NAV3: variants seen among roughly 807,000 people sequenced by gnomAD.
The protein encoded by NAV3 is neuron navigator 3.
In NAV3, 87 loss-of-function variants were observed where a neutral mutation model predicts 244.7. The ratio of observed to expected loss-of-function variants is 0.36; its 90% CI spans 0.30 to 0.42. The LOEUF is 0.42. NAV3 is among the 20% of genes least tolerant of loss of function. NAV3 has a pLI of 1.00. For synonymous variants in NAV3, 1,126 were observed against 1,042.2 expected (o/e 1.08, Z -1.55); for missense variants, 2,663 against 2,893.3 (o/e 0.92, Z 1.83).
intron 9 of NAV3, among the ~76,000 whole-genome samples, chr12:78,048,242 G>T (rs1244680901): frequency 6.6e-6 from 1 of 152,110 alleles, no homozygotes. Flanking sequence ...ACTCTGTCCA[G>T]TTCTGTTCCC....
At chr12:78,123,068 A>G (rs1000102678) in intron 16 of NAV3, among the ~76,000 whole-genome samples, 1 of 152,154 alleles carries the variant, frequency 6.6e-6, no homozygotes, top group Admixed American at 6.5e-5. Context: ...GGACATAGCA[A>G]GGCATTTCTT....
intron 1 of NAV3, 92 bp downstream of exon 1, chr12:77,831,796 G>A (rs2136083055): frequency 7.3e-7 from 1 of 1,379,176 alleles, no homozygotes; most frequent in Non-Finnish European, 9.7e-7. Context: ...ATGGGGAGTA[G>A]TAGAGGAATA....
intron 8 of NAV3, among the ~76,000 whole-genome samples, chr12:78,015,846 C>G (rs1357391929): frequency 6.6e-6 from 1 of 152,092 alleles, no homozygotes; most frequent in African/African-American, 2.4e-5. Flanking sequence ...CTGTCTTCTG[C>G]ATTTTCTCTC....
chr12:78,200,470 C>T lies in NAV3; in HGVS notation c.6716-3C>T, dbSNP rs2140028942. The T allele has an allele frequency of 6.6e-7, 1 of 1,515,074 alleles. No homozygotes were observed. The highest frequency in any genetic ancestry group is 8.9e-7 in the Non-Finnish European group (1 of 1,117,754). The allele number at this position is 1,515,074 out of a possible 1,614,324, so 93.9% of individuals were successfully genotyped here. A position where few individuals can be genotyped will look rare whatever the true frequency, so the allele number is the denominator to read the frequency against. On this transcript the variant is annotated splice_region_variant and splice_polypyrimidine_tract_variant and intron_variant, in intron 37 of 39. Coordinates refer to ENST00000397909, the MANE Select transcript of NAV3 (RefSeq NM_001024383.2). ...AAATATTTTGTTATTTATTTCTTAT[C>T]AGGTCCCCGACTATTCCTTCCTTGC...
At chr12:77,959,342 T>A (rs1472658993) in intron 3 of NAV3, among the ~76,000 whole-genome samples, 1 of 152,060 alleles carries the variant, frequency 6.6e-6, no homozygotes, top group African/African-American at 2.4e-5. Flanking sequence ...GATTAAAAAT[T>A]TGGGAACTGA....
chr12:77,937,458 C>A (rs192527633), intron 1 of NAV3, among the ~76,000 whole-genome samples: 1 of 152,226 alleles, frequency 6.6e-6, no homozygotes. Flanking sequence ...TGAAAGTATT[C>A]TTATTTTCAC....
At chr12:77,740,429 C>A (rs1868307002) in intron 2 of NAV3, among the ~76,000 whole-genome samples, 1 of 151,418 alleles carries the variant, frequency 6.6e-6, no homozygotes, top group African/African-American at 2.4e-5. Context: ...TTGAAGGAAA[C>A]CTGATTTTGA....
chr12:78,119,415 A>G lies in NAV3; in HGVS notation c.3219A>G (p.Val1073=), dbSNP rs756381862. The G allele has an allele frequency of 1.2e-6, 2 of 1,614,192 alleles. No individual in the cohort carries two copies. The highest frequency in any genetic ancestry group is 2.2e-5 in the South Asian group (2 of 91,080). Residue 1073 remains valine, a synonymous_variant, in exon 15 of 40, where the codon GTA becomes GTG. Transcript: ENST00000397909. ...TTGGCTTTAAGAAACCAAGTGGAGT[A>G]GGGTCATCTGCCATGATCACCAGCA... ...SSFGFKKPSG[V]GSSAMITSSG...
chr12:77,640,524 T>A (rs1872362487), intron 2 of NAV3, among the ~76,000 whole-genome samples: 1 of 152,150 alleles, frequency 6.6e-6, no homozygotes, highest in South Asian at 2.1e-4. Flanking sequence ...TCATACAGTA[T>A]TTTTCTCTCT....
intron 2 of NAV3, among the ~76,000 whole-genome samples, chr12:77,801,768 G>T (rs747398161): frequency 2.1e-4 from 32 of 152,086 alleles, no homozygotes; most frequent in Admixed American, 4.6e-4. Flanking sequence ...GAAAAATTAA[G>T]ATCTATTCCT....
chr12:78,054,339 A>G (rs1883179226), intron 11 of NAV3, among the ~76,000 whole-genome samples: 1 of 152,234 alleles, frequency 6.6e-6, no homozygotes, highest in East Asian at 1.9e-4. Context: ...GTCATGGAAC[A>G]TGAATATTTA....
chr12:77,792,094 T>C (rs1871203069), intron 2 of NAV3, among the ~76,000 whole-genome samples: 1 of 152,174 alleles, frequency 6.6e-6, no homozygotes, highest in Non-Finnish European at 1.5e-5. Context: ...ATTATTCCCT[T>C]CCTCACTCTG....
chr12:77,644,470 A>C (rs979022036), intron 2 of NAV3, among the ~76,000 whole-genome samples: 4 of 152,108 alleles, frequency 2.6e-5, no homozygotes, highest in Admixed American at 2.6e-4. Context: ...TCAGGGGCTT[A>C]AGAAGAAAGG....
chr12:77,590,985 T>C (rs1869878948), intron 2 of NAV3, among the ~76,000 whole-genome samples: 1 of 152,178 alleles, frequency 6.6e-6, no homozygotes, highest in Non-Finnish European at 1.5e-5. Context: ...TGTGTAAGAA[T>C]GGCTCAGGAA....
Position 77,890,915 on chromosome 12 carries a change from G to A in NAV3, c.244-49404G>A, listed in dbSNP as rs12227585. 8.2e-4 allele frequency among the ~76,000 whole-genome samples: 125 copies of A among 152,194 alleles called. 2 individuals carry two copies. In the East Asian group the frequency reaches 0.017, roughly 21 times the overall value. On this transcript the variant is annotated intron_variant, in intron 1 of 39. Coordinates refer to ENST00000397909, the MANE Select transcript of NAV3 (RefSeq NM_001024383.2). The stretch of plus-strand genomic sequence containing the variant: ...TGTTGCAGAAACTAGTTCAAAGAGA[G>A]GAATCATACACAATGTTCTAATATG...
At chr12:77,803,284 C>G (rs1375407233) in intron 2 of NAV3, among the ~76,000 whole-genome samples, 1 of 152,048 alleles carries the variant, frequency 6.6e-6, no homozygotes, top group Non-Finnish European at 1.5e-5. Context: ...CCTAGCCCCC[C>G]ATCCCCCAAC....
chr12:78,156,856 T>C (rs1167821252), intron 22 of NAV3, among the ~76,000 whole-genome samples: 1 of 152,130 alleles, frequency 6.6e-6, no homozygotes, highest in Non-Finnish European at 1.5e-5. Flanking sequence ...CATATATGAA[T>C]ACTATACAGT....
At chr12:78,175,483 C>G (rs553981585) in intron 25 of NAV3, 56 bp downstream of exon 25, 1 of 1,581,414 alleles carries the variant, frequency 6.3e-7, no homozygotes, top group Admixed American at 1.7e-5. Context: ...ATGTGTTAGG[C>G]CTTTTTCTTT....
intron 11 of NAV3, among the ~76,000 whole-genome samples, chr12:78,057,842 A>T (rs796535820): frequency 1.3e-5 from 2 of 152,040 alleles, no homozygotes; most frequent in African/African-American, 4.8e-5. Flanking sequence ...ATCCTTACAC[A>T]CTGACCTTAG....
Sources: allele counts gnomAD v4.1 joint callset (sites outside exome capture counted in the v4.1 genomes callset), GRCh38; gene constraint gnomAD v4.1.1; transcripts MANE v1.5; gene names NCBI Gene and HGNC (gene_info 2026-07-23, HGNC 2026-07-21).